MGAT5: variants seen among roughly 807,000 people sequenced by gnomAD.
MGAT5 encodes the protein alpha-1,6-mannosylglycoprotein 6-beta-N-acetylglucosaminyltransferase A.
A neutral mutation model predicts 94.3 loss-of-function variants in MGAT5; 30 were observed. The ratio of observed to expected loss-of-function variants is 0.32; its 90% CI spans 0.24 to 0.43. MGAT5 has a LOEUF of 0.43. Ranked by LOEUF, MGAT5 falls within the 20% of genes least tolerant of loss-of-function variation. MGAT5 has a pLI of 1.00. For missense variants in MGAT5, 691 were observed against 905.5 expected (o/e 0.76, Z 3.04); for synonymous variants, 310 against 322.9 (o/e 0.96, Z 0.43).
intron 2 of MGAT5, among the ~76,000 whole-genome samples, chr2:134,284,749 T>C (rs1016535985): frequency 1.3e-5 from 2 of 152,206 alleles, no homozygotes; most frequent in African/African-American, 4.8e-5. Flanking sequence ...CCCAAAATGG[T>C]GGCAGTCTGA....
intron 8 of MGAT5, 68 bp from the exon 9 acceptor site, chr2:134,349,737 T>C: frequency 1.3e-6 from 2 of 1,575,996 alleles, no homozygotes; most frequent in African/African-American, 2.7e-5. Context: ...AAGGAAGGGT[T>C]AGAGCTTTTA....
In MGAT5 at chr2:134,448,715, G is replaced by C. The variant is rs1194169494; in HGVS notation, c.2094G>C (p.Lys698Asn). ...TCCTGGTGCCCTCCTTTGACCCTAA[G>C]AATAAGCACTGTGTGTTTCAAGGTG... ...KDILVPSFDP[K>N]NKHCVFQGDL... The change falls in exon 16 of 16, where the codon AAG becomes AAC. Residue 698 changes from lysine (K) to asparagine (N), a missense_variant. Physicochemically the swap from Lys to Asn is moderately conservative, Grantham distance 94. Around this residue, in one of 4 missense-constraint regions of MGAT5, gnomAD observed 260 missense variants for 347.0 expected, o/e 0.75. Transcript: ENST00000281923. The C allele has an allele frequency of 1.9e-6, 3 of 1,614,086 alleles. No homozygotes were observed. Among genetic ancestry groups the C allele is most frequent in the Non-Finnish European group, 2.5e-6 (3 of 1,180,042 alleles).
At chr2:134,166,701 A>T (rs1389941456) in intron 1 of MGAT5, among the ~76,000 whole-genome samples, 2 of 152,234 alleles carry the variant, frequency 1.3e-5, no homozygotes, top group African/African-American at 4.8e-5. Context: ...TCAACAAATT[A>T]AAGGTATAAA....
intron 10 of MGAT5, among the ~76,000 whole-genome samples, chr2:134,389,898 A>G (rs1682292656): frequency 6.6e-6 from 1 of 152,200 alleles, no homozygotes; most frequent in Admixed American, 6.5e-5. Flanking sequence ...GAAAAATATC[A>G]TCATTCTCCT....
intron 1 of MGAT5, among the ~76,000 whole-genome samples, chr2:134,146,728 T>A (rs1018196786): frequency 1.3e-5 from 2 of 152,200 alleles, no homozygotes; most frequent in African/African-American, 4.8e-5. Context: ...CCTGGATCGC[T>A]GGGTACCGGC....
chr2:134,277,338 A>C (rs552163050), intron 2 of MGAT5, among the ~76,000 whole-genome samples: 13 of 152,248 alleles, frequency 8.5e-5, no homozygotes, highest in African/African-American at 2.9e-4. Flanking sequence ...TAAAGAAAGG[A>C]GGTTTAACTG....
Position 134,254,146 on chromosome 2 carries a change from C to G in MGAT5, c.-258C>G. The G allele has an allele frequency of 1.7e-6, 1 of 579,468 alleles. No homozygotes were observed. Among genetic ancestry groups the G allele is most frequent in the Non-Finnish European group, 3.1e-6 (1 of 327,814 alleles). 35.9% of individuals were successfully genotyped at this position (579,468 alleles called of 1,614,324 possible). ...GTTCCTGAATCATAAGATATTGAAC[C>G]AGCAAATTTAAGAGTTGACATTTTA... On this transcript the variant is annotated 5_prime_UTR_variant, in exon 1 of 16. Coordinates refer to ENST00000281923, the MANE Select transcript of MGAT5 (RefSeq NM_002410.5).
chr2:134,172,555 T>G (rs943986824), intron 1 of MGAT5, among the ~76,000 whole-genome samples: 34 of 152,060 alleles, frequency 2.2e-4, no homozygotes, highest in African/African-American at 8.2e-4. Context: ...CCCAGCTAAT[T>G]TTTTGTATTT....
chr2:134,244,697 T>A (rs1228112126), intron 1 of MGAT5, among the ~76,000 whole-genome samples: 1 of 152,168 alleles, frequency 6.6e-6, no homozygotes, highest in Non-Finnish European at 1.5e-5. Context: ...GCAGAACCTG[T>A]CTGAGCATCT....
intron 1 of MGAT5, among the ~76,000 whole-genome samples, chr2:134,245,531 A>G (rs62165734): frequency 0.027 from 4,081 of 152,214 alleles, 75 homozygotes; most frequent in Middle Eastern, 0.051. Context: ...AAATCATCAA[A>G]TGTTGGTTTT....
chr2:134,336,251 C>CA lies in MGAT5; in HGVS notation c.614dup (p.Asn205LysfsTer7). On this transcript the variant is annotated frameshift_variant, in exon 5 of 16. Transcript: ENST00000281923. LOFTEE classifies it high-confidence loss of function. ...TGGTGTCCTCATTTACCTTGGAGAG[C>CA]AAAAAATCCCTACGAAGAAGCTGAT... 6.2e-7 allele frequency: 1 copy of CA among 1,612,358 alleles called. No individual in the cohort carries two copies. The highest frequency in any genetic ancestry group is 8.5e-7 in the Non-Finnish European group (1 of 1,179,164).
intron 2 of MGAT5, among the ~76,000 whole-genome samples, chr2:134,303,405 C>T (rs1171607509): frequency 6.6e-6 from 1 of 152,154 alleles, no homozygotes; most frequent in Non-Finnish European, 1.5e-5. Flanking sequence ...TAAACTTCCT[C>T]TGAAGAGTAC....
At chr2:134,358,263 T>C (rs1024106647) in intron 9 of MGAT5, among the ~76,000 whole-genome samples, 6 of 152,188 alleles carry the variant, frequency 3.9e-5, no homozygotes, top group Admixed American at 3.9e-4. Flanking sequence ...ATTCAATATT[T>C]TGAGGGGAAA....
intron 1 of MGAT5, among the ~76,000 whole-genome samples, chr2:134,149,223 G>T (rs950744174): frequency 6.6e-6 from 1 of 152,138 alleles, no homozygotes; most frequent in Non-Finnish European, 1.5e-5. Context: ...ATCCATCTGT[G>T]AATCTTTTTG....
At position 134,178,664 on chromosome 2, in the gene MGAT5, G is replaced by A. The variant is rs1013274245; in HGVS notation, c.-143+58373G>A. On this transcript the variant is annotated intron_variant, in intron 1 of 16. Coordinates refer to the MGAT5 transcript ENST00000409645. ...ATGGCTGTGGCACAAGGATTATAAC[G>A]TTGGTGCAAAGGAAGATAAGTCGAG... Among the ~76,000 whole-genome samples, 12 of 152,194 alleles carry A rather than the reference G, an allele frequency of 7.9e-5. No homozygotes were observed. In the East Asian group the frequency reaches 1.3e-3, roughly 17 times the overall value.
intron 2 of MGAT5, among the ~76,000 whole-genome samples, chr2:134,271,012 T>C (rs1167147174): frequency 6.6e-6 from 1 of 152,124 alleles, no homozygotes; most frequent in African/African-American, 2.4e-5. Context: ...AAATAGAAAT[T>C]CTGGAAATGG....
intron 1 of MGAT5, among the ~76,000 whole-genome samples, chr2:134,164,297 A>G (rs1290878269): frequency 1.3e-5 from 2 of 152,156 alleles, no homozygotes; most frequent in African/African-American, 2.4e-5. Flanking sequence ...AATTATTCCA[A>G]CTTTCAGTGA....
chr2:134,194,128 T>G (rs1366599470), intron 1 of MGAT5, among the ~76,000 whole-genome samples: 2 of 152,206 alleles, frequency 1.3e-5, no homozygotes, highest in Non-Finnish European at 2.9e-5. Context: ...CATCTTTCTA[T>G]TTTAGGAAGG....
intron 4 of MGAT5, among the ~76,000 whole-genome samples, chr2:134,330,678 A>G (rs552492963): frequency 9.9e-5 from 15 of 152,162 alleles, no homozygotes; most frequent in Middle Eastern, 3.4e-3. Flanking sequence ...TGTGAAATGT[A>G]TAATATGTAG....
Sources: gnomAD v4.1 joint callset for allele counts (sites outside exome capture counted in the v4.1 genomes callset) on GRCh38, gnomAD v4.1.1 for gene constraint, gnomAD v4.1.1 regional missense constraint, MANE v1.5 for transcripts, NCBI Gene and HGNC (gene_info 2026-07-23, HGNC 2026-07-21) for gene names.